The following ANP32B variants were observed in gnomAD, a reference collection of about 807,000 sequenced individuals.
ANP32B encodes acidic leucine-rich nuclear phosphoprotein 32 family member B.
In ANP32B, 6 loss-of-function variants were observed where a neutral mutation model predicts 32.2. That is an observed-to-expected ratio of 0.19 (90% CI 0.10 to 0.37). The LOEUF (loss-of-function observed/expected upper bound fraction) is 0.37, where lower values mean the gene tolerates loss of function less well. Ranked by LOEUF, ANP32B falls within the 10% of genes least tolerant of loss-of-function variation. The pLI is 1.00. For synonymous variants in ANP32B, 98 were observed against 105.8 expected (o/e 0.93, Z 0.45); for missense variants, 204 against 289.2 (o/e 0.71, Z 2.14).
At chr9:97,990,334 G>C (rs571279832) in intron 1 of ANP32B, among the ~76,000 whole-genome samples, 1 of 152,284 alleles carries the variant, frequency 6.6e-6, no homozygotes, top group East Asian at 1.9e-4. Flanking sequence ...CTTTCATCAA[G>C]GTCCTGTTAA....
intron 1 of ANP32B, among the ~76,000 whole-genome samples, chr9:97,991,361 C>CAAAT (rs1330984732): frequency 2.6e-5 from 4 of 152,134 alleles, no homozygotes; most frequent in African/African-American, 4.8e-5. Context: ...GTGGTCCTCC[C>CAAAT]ACTTCTGCCT....
intron 1 of ANP32B, among the ~76,000 whole-genome samples, chr9:97,990,365 G>A (rs1299539047): frequency 6.6e-6 from 1 of 152,232 alleles, no homozygotes; most frequent in African/African-American, 2.4e-5. Flanking sequence ...CAACCTTGAA[G>A]TTGGCTGATG....
rs181671935 is a variant in ANP32B at position 98,008,440 on chromosome 9, C to T, written c.518-2831C>T. On this transcript the variant is annotated intron_variant, in intron 4 of 6. Coordinates refer to ENST00000339399, the MANE Select transcript of ANP32B (RefSeq NM_006401.3). ...CAACCCATTTATGAATAAGCCAGGTCAATCGACTTTGTTCATGCTTGAAGA... is the reference window on the plus strand; with the variant it reads ...CAACCCATTTATGAATAAGCCAGGTTAATCGACTTTGTTCATGCTTGAAGA... Among the ~76,000 whole-genome samples, 12 of 152,314 alleles carry T rather than the reference C, an allele frequency of 7.9e-5. No homozygotes were observed. The East Asian group carries it at 2.1e-3, about 27-fold the overall frequency.
intron 3 of ANP32B, chr9:98,002,193 C>T (rs1587876864): frequency 6.6e-6 from 1 of 152,200 alleles, no homozygotes; most frequent in Non-Finnish European, 1.5e-5. Flanking sequence ...TCCTCATTAA[C>T]CACATACATT....
intron 1 of ANP32B, among the ~76,000 whole-genome samples, chr9:97,991,315 A>G (rs866778263): frequency 5.9e-5 from 9 of 151,902 alleles, no homozygotes; most frequent in South Asian, 2.1e-4. Context: ...GGGTCTCCCT[A>G]TGTTGCCCAG....
In ANP32B at chr9:98,015,625, C is replaced by T; in HGVS notation, c.*194C>T. 1 of 1,300,028 alleles carries T rather than the reference C, an allele frequency of 7.7e-7. No individual in the cohort carries two copies. The highest frequency in any genetic ancestry group is 9.8e-7 in the Non-Finnish European group (1 of 1,016,156). 80.5% of individuals were successfully genotyped at this position (1,300,028 alleles called of 1,614,324 possible). A position where few individuals can be genotyped will look rare whatever the true frequency, so the allele number is the denominator to read the frequency against. On this transcript the variant is annotated 3_prime_UTR_variant, in exon 7 of 7. Transcript: ENST00000339399. ...GTAGTCCCTCTTGGTAATCTACCAC[C>T]AAGCTTGTGGACTTCACCCCAACAA...
At chr9:98,002,058 T>C (rs1477072442) in intron 3 of ANP32B, among the ~76,000 whole-genome samples, 2 of 152,156 alleles carry the variant, frequency 1.3e-5, no homozygotes, top group East Asian at 3.9e-4. Flanking sequence ...CTGGCGGTGC[T>C]AGGTTGGTCT....
chr9:98,006,358 T>A (rs1828082378), intron 4 of ANP32B, among the ~76,000 whole-genome samples: 1 of 152,222 alleles, frequency 6.6e-6, no homozygotes, highest in Non-Finnish European at 1.5e-5. Context: ...ATGCTTTTTT[T>A]AGTCAGTGCA....
In ANP32B at chr9:97,998,440, G is replaced by A. The variant is rs577877738; in HGVS notation, c.205-116G>A. ...AACATGCATGCCCTAATAGAAATAG[G>A]GATCATTTGATCTTGATAAATCTTT... On this transcript the variant is annotated intron_variant, in intron 2 of 6. Coordinates refer to ENST00000339399, the MANE Select transcript of ANP32B (RefSeq NM_006401.3). The A allele has an allele frequency of 7.0e-6, 8 of 1,138,742 alleles. No homozygotes were observed. The Admixed American group carries it at 1.1e-4, about 16-fold the overall frequency. 70.5% of individuals were successfully genotyped at this position (1,138,742 alleles called of 1,614,324 possible).
intron 1 of ANP32B, among the ~76,000 whole-genome samples, chr9:97,991,853 T>G (rs1827829579): frequency 6.6e-6 from 1 of 152,206 alleles, no homozygotes; most frequent in African/African-American, 2.4e-5. Flanking sequence ...TTATAATATA[T>G]CCACACACTG....
At chr9:98,008,455 A>G (rs1828125774) in intron 4 of ANP32B, among the ~76,000 whole-genome samples, 1 of 152,252 alleles carries the variant, frequency 6.6e-6, no homozygotes, top group Non-Finnish European at 1.5e-5. Flanking sequence ...GACTTTGTTC[A>G]TGCTTGAAGA....
chr9:98,011,326 TGAA>T lies in ANP32B; in HGVS notation c.579_581del (p.Glu193del), dbSNP rs548651278. On this transcript the variant is annotated inframe_deletion, in exon 5 of 7. Coordinates refer to ENST00000339399, the MANE Select transcript of ANP32B (RefSeq NM_006401.3). ...AGGATGGTGAAGAAGAGGAGTTTGA[TGAA>T]GAAGATGATGAAGATGAAGATGTAG... is the stretch of plus-strand genomic sequence containing the variant. The T allele has an allele frequency of 1.0e-4, 160 of 1,549,930 alleles. 1 individual carries two copies. The highest frequency in any genetic ancestry group is 3.8e-4 in the African/African-American group (28 of 73,186).
intron 6 of ANP32B, among the ~76,000 whole-genome samples, chr9:98,015,026 T>TA (rs1828251429): frequency 6.6e-6 from 1 of 152,236 alleles, no homozygotes; most frequent in Non-Finnish European, 1.5e-5. Flanking sequence ...GTGCTGGGAT[T>TA]ATAGGCATGA....
Position 98,010,276 on chromosome 9 carries a change from G to GT in ANP32B, c.518-983dup, listed in dbSNP as rs1256884868. Among the ~76,000 whole-genome samples, 251 of 118,486 alleles carry GT rather than the reference G, an allele frequency of 2.1e-3. 4 individuals are homozygous for GT. In the East Asian group the frequency reaches 0.03, roughly 14 times the overall value. The allele number at this position is 118,486 out of a possible 152,430, so 77.7% of individuals were successfully genotyped here. Reference sequence around the variant, plus strand: ...AGAGAAATGGTGTTTTTTTTTTTTTGTTTTTTTTTTTTAAATCATAAATAG... The same window carrying GT: ...AGAGAAATGGTGTTTTTTTTTTTTTGTTTTTTTTTTTTTAAATCATAAATAG... On this transcript the variant is annotated intron_variant, in intron 4 of 6. Transcript: ENST00000339399.
At chr9:98,013,692 A>G (rs866597616) in intron 6 of ANP32B, among the ~76,000 whole-genome samples, 29 of 152,228 alleles carry the variant, frequency 1.9e-4, no homozygotes, top group South Asian at 1.0e-3. Context: ...TGAGGTCAGG[A>G]GTTCGAGAGC....
chr9:98,006,948 G>A (rs970224973), intron 4 of ANP32B, among the ~76,000 whole-genome samples: 2 of 151,730 alleles, frequency 1.3e-5, no homozygotes, highest in East Asian at 1.9e-4. Flanking sequence ...AGATTGTGCC[G>A]CTGTGCTTTA....
chr9:98,005,585 C>T (rs921159616), intron 4 of ANP32B, among the ~76,000 whole-genome samples: 6 of 151,988 alleles, frequency 3.9e-5, no homozygotes, highest in East Asian at 3.8e-4. Context: ...TGCGTGCGCA[C>T]GCGTGTATTT....
intron 1 of ANP32B, among the ~76,000 whole-genome samples, chr9:97,992,149 G>C (rs1827835358): frequency 6.6e-6 from 1 of 152,080 alleles, no homozygotes; most frequent in African/African-American, 2.4e-5. Context: ...GGGTGCAGTG[G>C]CACATTCTCA....
chr9:97,986,238 C>G (rs568549328), intron 1 of ANP32B, among the ~76,000 whole-genome samples: 2 of 152,370 alleles, frequency 1.3e-5, no homozygotes, highest in East Asian at 3.9e-4. Context: ...AGTGCTCAGA[C>G]GTGACAAGTG....
Sources: gnomAD v4.1 joint callset for allele counts (sites outside exome capture counted in the v4.1 genomes callset) on GRCh38, gnomAD v4.1.1 for gene constraint, MANE v1.5 for transcripts, NCBI Gene and HGNC (gene_info 2026-07-23, HGNC 2026-07-21) for gene names.